Variants in CHODL observed in about 807,000 individuals in gnomAD.
CHODL encodes transmembrane protein MT75.
A neutral mutation model predicts 34.5 loss-of-function variants in CHODL; 29 were observed. That is an observed-to-expected ratio of 0.84 (90% confidence interval 0.63 to 1.15). The LOEUF (loss-of-function observed/expected upper bound fraction) is 1.15, where lower values mean the gene tolerates loss of function less well. CHODL is among the 50% of genes most tolerant of loss of function. The pLI, the probability that CHODL is intolerant of heterozygous loss-of-function variation, is 0.00. For missense variants in CHODL, 332 were observed against 332.5 expected, an observed-to-expected ratio of 1.00 and a Z score of 0.01; for synonymous variants, 125 against 116.1, an observed-to-expected ratio of 1.08 and a Z score of -0.49.
At chr21:18,169,356 C>T (rs550895257) in intron 2 of CHODL, among the ~76,000 whole-genome samples, 3 of 151,384 alleles carry the variant, frequency 2.0e-5, no homozygotes, top group South Asian at 4.2e-4. Context: ...AGTAATGTTC[C>T]GTCTTTCATT....
chr21:18,062,292 C>A (rs1320900120), intron 2 of CHODL, among the ~76,000 whole-genome samples: 1 of 152,156 alleles, frequency 6.6e-6, no homozygotes, highest in Non-Finnish European at 1.5e-5. Context: ...ACTGCAACCT[C>A]TGCTTCCTGT....
At chr21:18,059,673 G>A (rs2064632874) in intron 2 of CHODL, among the ~76,000 whole-genome samples, 2 of 152,060 alleles carry the variant, frequency 1.3e-5, no homozygotes, top group South Asian at 4.1e-4. Context: ...AGGGCCCAGT[G>A]TGAGTTGTTC....
intron 1 of CHODL, among the ~76,000 whole-genome samples, chr21:18,009,154 T>A (rs1033447660): frequency 6.6e-6 from 1 of 152,220 alleles, no homozygotes; most frequent in Non-Finnish European, 1.5e-5. Flanking sequence ...ACTTATGATT[T>A]TTTTCATGAA....
chr21:18,165,845 C>G (rs149210326), intron 2 of CHODL, among the ~76,000 whole-genome samples: 458 of 152,272 alleles, frequency 3.0e-3, no homozygotes, highest in East Asian at 0.02. Flanking sequence ...TTAGAAAATA[C>G]TACCTGCTAC....
Position 18,228,871 on chromosome 21 carries a change from ATTG to A in CHODL, c.-44-27632_-44-27630del, listed in dbSNP as rs368730035. On this transcript the variant is annotated intron_variant, in intron 2 of 6. Coordinates refer to the CHODL transcript ENST00000400127. ...AGCCCTACTAAATTCAATTACAAGTATTGTTGTTTTGTATTTTAGCTCACCAAC... is the reference window on the plus strand; with the variant it reads ...AGCCCTACTAAATTCAATTACAAGTATTGTTTTGTATTTTAGCTCACCAAC... Among the ~76,000 whole-genome samples the A allele has an allele frequency of 2.4e-3, 371 of 152,282 alleles. 3 individuals are homozygous for A. The highest frequency in any genetic ancestry group is 8.5e-3 in the African/African-American group (354 of 41,570).
intron 1 of CHODL, among the ~76,000 whole-genome samples, chr21:17,989,103 T>C (rs964455782): frequency 2.0e-5 from 3 of 152,178 alleles, no homozygotes; most frequent in African/African-American, 4.8e-5. Flanking sequence ...AATAAAATAG[T>C]GTAAATGGGA....
At chr21:18,195,672 C>T (rs1246966175) in intron 2 of CHODL, among the ~76,000 whole-genome samples, 1 of 152,122 alleles carries the variant, frequency 6.6e-6, no homozygotes, top group Non-Finnish European at 1.5e-5. Flanking sequence ...CTGCAGGGCA[C>T]TTGGCATTTT....
At chr21:18,159,166 C>T (rs1456055756) in intron 2 of CHODL, among the ~76,000 whole-genome samples, 1 of 152,132 alleles carries the variant, frequency 6.6e-6, no homozygotes, top group East Asian at 1.9e-4. Flanking sequence ...GGGAGGCTGC[C>T]ACACAATGCA....
At chr21:18,151,123 C>G (rs1020547621) in intron 2 of CHODL, among the ~76,000 whole-genome samples, 1 of 150,886 alleles carries the variant, frequency 6.6e-6, no homozygotes, top group African/African-American at 2.4e-5. Flanking sequence ...ATTCTCTGAC[C>G]TACCTTGTCT....
intron 2 of CHODL, among the ~76,000 whole-genome samples, chr21:18,171,269 C>T (rs1318313196): frequency 1.6e-5 from 2 of 121,362 alleles, no homozygotes; most frequent in Non-Finnish European, 3.2e-5. Context: ...TGCAGCGGCG[C>T]AATCTCGGCT....
chr21:18,069,889 C>T (rs191749837), intron 2 of CHODL, among the ~76,000 whole-genome samples: 43 of 152,044 alleles, frequency 2.8e-4, no homozygotes, highest in African/African-American at 1.0e-3. Context: ...AGATTACAGA[C>T]ATGAGCCTCT....
chr21:18,083,694 C>T (rs960398696), intron 2 of CHODL, among the ~76,000 whole-genome samples: 5 of 152,188 alleles, frequency 3.3e-5, no homozygotes, highest in Non-Finnish European at 7.3e-5. Context: ...TTAATGACTG[C>T]CCTGCTGGGC....
At chr21:18,097,320 A>T (rs528286678) in intron 2 of CHODL, among the ~76,000 whole-genome samples, 1 of 152,262 alleles carries the variant, frequency 6.6e-6, no homozygotes, top group African/African-American at 2.4e-5. Flanking sequence ...TATTTGGAAA[A>T]ACCTAAAGAA....
intron 1 of CHODL, among the ~76,000 whole-genome samples, chr21:17,979,504 T>G (rs2063697203): frequency 6.6e-6 from 1 of 152,158 alleles, no homozygotes; most frequent in South Asian, 2.1e-4. Context: ...TTTGAAAAAT[T>G]TTTTGCTTGT....
intron 2 of CHODL, among the ~76,000 whole-genome samples, chr21:18,069,513 T>G (rs2064770474): frequency 6.7e-6 from 1 of 149,076 alleles, no homozygotes; most frequent in Admixed American, 6.8e-5. Context: ...TCCAGGGATA[T>G]AAGGGGATTA....
chr21:18,089,730 A>G (rs1463279553), intron 2 of CHODL, among the ~76,000 whole-genome samples: 1 of 152,012 alleles, frequency 6.6e-6, no homozygotes, highest in Non-Finnish European at 1.5e-5. Context: ...AATGACAATA[A>G]AGAAATAAAA....
rs2074463652 is a variant in CHODL at position 18,266,455 on chromosome 21, T to C, written c.*417T>C. The C allele has an allele frequency of 4.5e-6, 1 of 223,356 alleles. No individual in the cohort carries two copies. Among genetic ancestry groups the C allele is most frequent in the South Asian group, 8.1e-5 (1 of 12,382 alleles). 13.8% of individuals were successfully genotyped at this position (223,356 alleles called of 1,614,324 possible). A position where few individuals can be genotyped will look rare whatever the true frequency, so the allele number is the denominator to read the frequency against. ...AAAGTATTTTACCTTTGCATAAGTGTTTGATAAAAATGAACTGTTCTAATA... is the reference window on the plus strand; with the variant it reads ...AAAGTATTTTACCTTTGCATAAGTGCTTGATAAAAATGAACTGTTCTAATA... On this transcript the variant is annotated 3_prime_UTR_variant, in exon 6 of 6. Coordinates refer to ENST00000299295, the MANE Select transcript of CHODL (RefSeq NM_024944.3).
At chr21:18,092,819 A>G (rs2065090099) in intron 2 of CHODL, among the ~76,000 whole-genome samples, 1 of 152,228 alleles carries the variant, frequency 6.6e-6, no homozygotes, top group Non-Finnish European at 1.5e-5. Flanking sequence ...CACCTGTAAG[A>G]TCTAGAAAAT....
intron 2 of CHODL, among the ~76,000 whole-genome samples, chr21:18,157,532 C>T: frequency 6.6e-6 from 1 of 152,190 alleles, no homozygotes; most frequent in East Asian, 1.9e-4. Context: ...TATTTCTCTT[C>T]ATTAAGGCAG....
Sources: gnomAD v4.1 joint callset for allele counts (sites outside exome capture counted in the v4.1 genomes callset) on GRCh38, gnomAD v4.1.1 for gene constraint, MANE v1.5 for transcripts, NCBI Gene and HGNC (gene_info 2026-07-23, HGNC 2026-07-21) for gene names.